The following ITPRID2 variants were observed in gnomAD, a reference collection of about 807,000 sequenced individuals.
The protein encoded by ITPRID2 is ITPR interacting domain containing 2, also known as protein ITPRID2.
ITPRID2 carries 60 observed loss-of-function variants against 124.3 expected under a neutral mutation model. That is an observed-to-expected ratio of 0.48 (90% CI 0.39 to 0.60). The LOEUF is 0.60. Ranked by LOEUF, ITPRID2 falls within the 20% of genes least tolerant of loss-of-function variation. The pLI, the probability that ITPRID2 is intolerant of heterozygous loss-of-function variation, is 0.00. For synonymous variants in ITPRID2, 521 were observed against 542.9 expected (o/e 0.96, Z 0.56); for missense variants, 1,553 against 1,512.2 (o/e 1.03, Z -0.45).
Position 181,929,936 on chromosome 2 carries a change from G to A in ITPRID2, c.*389G>A, listed in dbSNP as rs1376938491. On this transcript the variant is annotated 3_prime_UTR_variant, in exon 18 of 18. Transcript: ENST00000431877. ...CACTGACCTCTATGAGGTATTTACT[G>A]TGCAATAACTGATTCATTTTTTTCA... is the stretch of plus-strand genomic sequence containing the variant. 5.0e-6 allele frequency: 1 copy of A among 200,494 alleles called. No homozygotes were observed. The highest frequency in any genetic ancestry group is 1.0e-5 in the Non-Finnish European group (1 of 100,162). The allele number at this position is 200,494 out of a possible 1,614,324, so 12.4% of individuals were successfully genotyped here.
chr2:181,892,580 G>C lies in ITPRID2; in HGVS notation c.212-35G>C, dbSNP rs558475123. The C allele has an allele frequency of 6.2e-7, 1 of 1,613,924 alleles. No homozygotes were observed. Among genetic ancestry groups the C allele is most frequent in the South Asian group, 1.1e-5 (1 of 91,072 alleles). ...TGACTCCGCCGTCGTAGTGCTCCTG[G>C]GTGGTAACGTGCTGTCCCCTCTCTC... On this transcript the variant is annotated intron_variant, in intron 1 of 17. Transcript: ENST00000431877. The surrounding 1 kb of genome is among the most constrained non-coding windows in gnomAD (Gnocchi z 5.2).
chr2:181,892,483 C>G lies in ITPRID2; in HGVS notation c.212-132C>G, dbSNP rs1326948054. The stretch of plus-strand genomic sequence containing the variant: ...ACTGGGTGCCATCCGATTTCCCTGC[C>G]AAGGGACACTGAGACGTGTCGCTTA... On this transcript the variant is annotated intron_variant, in intron 1 of 17. Transcript: ENST00000431877. The surrounding 1 kb of genome is among the most constrained non-coding windows in gnomAD (Gnocchi z 5.2). The G allele has an allele frequency of 2.4e-6, 3 of 1,263,398 alleles. No individual in the cohort carries two copies. The South Asian group carries it at 3.9e-5, about 16-fold the overall frequency. The allele number at this position is 1,263,398 out of a possible 1,614,324, so 78.3% of individuals were successfully genotyped here.
At chr2:181,921,910 T>G (rs763128899) in intron 15 of ITPRID2, 38 bp from the exon 16 acceptor site, 1 of 1,566,678 alleles carries the variant, frequency 6.4e-7, no homozygotes, top group South Asian at 1.2e-5. Flanking sequence ...CAATCTTAAT[T>G]CCAAGAGAGA....
chr2:181,903,096 A>G (rs868098334), intron 8 of ITPRID2, among the ~76,000 whole-genome samples: 35 of 152,338 alleles, frequency 2.3e-4, no homozygotes, highest in Non-Finnish European at 7.4e-5. Flanking sequence ...CTGATAGTTA[A>G]CATAAATTTT....
intron 16 of ITPRID2, 103 bp downstream of exon 16, chr2:181,922,515 T>C: frequency 9.1e-7 from 1 of 1,093,200 alleles, no homozygotes; most frequent in East Asian, 2.6e-5. Context: ...ATTCACTGTA[T>C]TCAATAATTT....
chr2:181,928,905 C>T (rs998770326), intron 17 of ITPRID2, among the ~76,000 whole-genome samples: 3 of 152,152 alleles, frequency 2.0e-5, no homozygotes, highest in East Asian at 3.8e-4. Flanking sequence ...GGATTACAGG[C>T]GTGAGCCACC....
Position 181,902,408 on chromosome 2 carries a change from C to A in ITPRID2, c.1355C>A (p.Thr452Lys). Residue 452 changes from threonine (T) to lysine (K), a missense_variant, in exon 8 of 18, where the codon ACA (threonine) becomes AAA (lysine). By Grantham distance (78) the Thr-to-Lys change is moderately conservative (BLOSUM62 -1). Transcript: ENST00000431877. The surrounding 1 kb of genome is among the most constrained non-coding windows in gnomAD (Gnocchi z 4.4). ...GAAAAAGAGCCTTGTGCACCACTGACAATACCATCCATAAGAAATATAATG... is the reference window on the plus strand; with the variant it reads ...GAAAAAGAGCCTTGTGCACCACTGAAAATACCATCCATAAGAAATATAATG... ...TPEKEPCAPL[T>K]IPSIRNIMTQ... 1 of 1,609,292 alleles carries A rather than the reference C, an allele frequency of 6.2e-7. No homozygotes were observed. Among genetic ancestry groups the A allele is most frequent in the Non-Finnish European group, 8.5e-7 (1 of 1,178,766 alleles).
In ITPRID2 at chr2:181,892,102, G is replaced by A. The variant is rs754535164; in HGVS notation, c.36G>A (p.Glu12=). Residue 12 remains glutamate (E), a synonymous_variant, in exon 1 of 18, where the codon GAG becomes GAA. Coordinates refer to ENST00000431877, the MANE Select transcript of ITPRID2 (RefSeq NM_001130445.3). This position sits in a 1 kb window ranked among gnomAD's most constrained non-coding sequence, Gnocchi z 5.2. Reference sequence around the variant, plus strand: ...CCCTGTCGTCGTCGGCGGAGGCGGAGGAGGAACTGGAGTGGCAAGTGGCGA... The same window carrying A: ...CCCTGTCGTCGTCGGCGGAGGCGGAAGAGGAACTGGAGTGGCAAGTGGCGA... ...DRPLSSSAEA[E]EELEWQVASR... 2.6e-6 allele frequency: 4 copies of A among 1,557,558 alleles called. No homozygotes were observed. The South Asian group carries it at 4.7e-5, about 18-fold the overall frequency.
In ITPRID2 at chr2:181,915,329, T is replaced by G; in HGVS notation, c.1689T>G (p.Tyr563Ter). Residue 563 changes from tyrosine (Y) to a stop codon, truncating the protein, a stop_gained, in exon 11 of 18, where the codon TAT becomes TAG. Transcript: ENST00000431877. LOFTEE classifies it high-confidence loss of function. ...CACCAACAGCACAAGACCAGCCTTA[T>G]TTTAATGAATCAGAGGAGGAGTCTC... ...LATPTAQDQP[Y>*]FNESEEESLV... 1 of 1,614,198 alleles carries G rather than the reference T, an allele frequency of 6.2e-7. No individual in the cohort carries two copies. The highest frequency in any genetic ancestry group is 8.5e-7 in the Non-Finnish European group (1 of 1,180,038).
At chr2:181,903,028 T>A (rs1692807890) in intron 8 of ITPRID2, among the ~76,000 whole-genome samples, 1 of 152,220 alleles carries the variant, frequency 6.6e-6, no homozygotes, top group Admixed American at 6.5e-5. Flanking sequence ...TGAATAGGGT[T>A]TCTGCAAGCC....
In ITPRID2 at chr2:181,910,863, A is replaced by T. The variant is rs1183778020; in HGVS notation, c.1486+892A>T. On this transcript the variant is annotated intron_variant, in intron 9 of 17. Transcript: ENST00000431877. This position sits in a 1 kb window ranked among gnomAD's most constrained non-coding sequence, Gnocchi z 4.1. ...TCACTGCAGCTCTGGTTAGACTCAA[A>T]ATTGAACTTTACTATTTAATTTTCT... 5.3e-5 allele frequency among the ~76,000 whole-genome samples: 8 copies of T among 152,286 alleles called. No homozygotes were observed. In the East Asian group the frequency reaches 1.5e-3, roughly 29 times the overall value.
At chr2:181,928,433 A>C (rs1216267923) in intron 17 of ITPRID2, among the ~76,000 whole-genome samples, 155 bp downstream of exon 17, 1 of 152,210 alleles carries the variant, frequency 6.6e-6, no homozygotes, top group African/African-American at 2.4e-5. Context: ...ATTTCACACA[A>C]GCCTATTTGA....
chr2:181,892,173 C>T lies in ITPRID2; in HGVS notation c.107C>T (p.Ala36Val). 2.6e-6 allele frequency: 4 copies of T among 1,553,972 alleles called. No individual in the cohort carries two copies. Among genetic ancestry groups the T allele is most frequent in the Non-Finnish European group, 3.5e-6 (4 of 1,148,762 alleles). ...GCCAAGTGCCGCAGCTCCTGGCAAG[C>T]GTCGGAGACGGAGGATCTGTCCACA... ...AWAKCRSSWQ[A>V]SETEDLSTEA... The change falls in exon 1 of 18, where the codon GCG becomes GTG. Residue 36 changes from alanine (A) to valine (V), a missense_variant. Ala to Val is a moderately conservative substitution (Grantham distance 64, BLOSUM62 0). Transcript: ENST00000431877. The surrounding 1 kb of genome is among the most constrained non-coding windows in gnomAD (Gnocchi z 5.2).
rs776172868 is a variant in ITPRID2, at chr2:181,902,182, G to A, written c.1129G>A (p.Asp377Asn). The change falls in exon 8 of 18, where the codon GAT becomes AAT. Residue 377 changes from aspartate (D) to asparagine (N), a missense_variant. Coordinates refer to ENST00000431877, the MANE Select transcript of ITPRID2 (RefSeq NM_001130445.3). This position sits in a 1 kb window ranked among gnomAD's most constrained non-coding sequence, Gnocchi z 4.4. ...SAAVTENADS[D>N]RISDEANSNF... ...AGCTGTTACGGAGAATGCTGATAGT[G>A]ATAGAATTTCTGATGAAGCAAATAG... 19 of 1,613,564 alleles carry A rather than the reference G, an allele frequency of 1.2e-5. No homozygotes were observed. Among genetic ancestry groups the A allele is most frequent in the Non-Finnish European group, 1.5e-5 (18 of 1,179,730 alleles).
chr2:181,930,476 G>A lies in ITPRID2; in HGVS notation c.*929G>A, dbSNP rs1424076614. The A allele has an allele frequency of 6.6e-6, 1 of 152,342 alleles. No individual in the cohort carries two copies. The highest frequency in any genetic ancestry group is 2.4e-5 in the African/African-American group (1 of 41,366). 9.4% of individuals were successfully genotyped at this position (152,342 alleles called of 1,614,324 possible). On this transcript the variant is annotated 3_prime_UTR_variant, in exon 18 of 18. Transcript: ENST00000431877. ...GTTTTTATGAAAAAAAAGGAAAATG[G>A]TTTCCCATTTGGTTTTATATGTGTT... is the stretch of plus-strand genomic sequence containing the variant.
Position 181,929,547 on chromosome 2 carries a change from T to G in ITPRID2, c.*14-14T>G. 6.3e-7 allele frequency: 1 copy of G among 1,597,220 alleles called. No individual in the cohort carries two copies. On this transcript the variant is annotated splice_polypyrimidine_tract_variant and intron_variant, in intron 17 of 17. Coordinates refer to ENST00000431877, the MANE Select transcript of ITPRID2 (RefSeq NM_001130445.3). ...GAAAGAGGTTTAAAACTGACTTCTCTTTTCTTTTTTAAGGTTGGCATGGAT... is the reference window on the plus strand; with the variant it reads ...GAAAGAGGTTTAAAACTGACTTCTCGTTTCTTTTTTAAGGTTGGCATGGAT...
chr2:181,926,514 C>A (rs1374605342), intron 16 of ITPRID2, among the ~76,000 whole-genome samples: 1 of 152,036 alleles, frequency 6.6e-6, no homozygotes, highest in Non-Finnish European at 1.5e-5. Flanking sequence ...GAGATCGAGA[C>A]CATCTTGGCT....
At position 181,929,699 on chromosome 2, in the gene ITPRID2, C is replaced by A; in HGVS notation, c.*152C>A. 1 of 1,378,160 alleles carries A rather than the reference C, an allele frequency of 7.3e-7. No individual in the cohort carries two copies. The highest frequency in any genetic ancestry group is 1.4e-5 in the South Asian group (1 of 70,918). 85.4% of individuals were successfully genotyped at this position (1,378,160 alleles called of 1,614,324 possible). ...AGTGTACAATGTGTATTTCTTCAAC[C>A]ATATATTTTAAAAAGACGTACATAG... On this transcript the variant is annotated 3_prime_UTR_variant, in exon 18 of 18. Coordinates refer to ENST00000431877, the MANE Select transcript of ITPRID2 (RefSeq NM_001130445.3).
intron 16 of ITPRID2, among the ~76,000 whole-genome samples, chr2:181,925,592 TCA>T (rs942498733): frequency 4.6e-5 from 7 of 152,224 alleles, no homozygotes; most frequent in African/African-American, 1.7e-4. Flanking sequence ...TTGTGCTTTC[TCA>T]CTCTCTCATT....
Sources: allele counts gnomAD v4.1 joint callset (sites outside exome capture counted in the v4.1 genomes callset), GRCh38; gene constraint gnomAD v4.1.1; non-coding constraint Gnocchi (gnomAD v3.1); transcripts MANE v1.5; gene names NCBI Gene and HGNC (gene_info 2026-07-23, HGNC 2026-07-21).